Variants in TEX11 observed in about 807,000 individuals in gnomAD.
TEX11 encodes testis expressed 11, also known as testis-expressed protein 11.
In TEX11, 7 loss-of-function variants were observed where a neutral mutation model predicts 84.4. The observed-to-expected ratio is 0.08, with a 90% confidence interval of 0.05 to 0.16. The LOEUF is 0.16. Ranked by LOEUF, TEX11 falls within the 10% of genes least tolerant of loss-of-function variation. The pLI, the probability that TEX11 is intolerant of heterozygous loss-of-function variation, is 1.00. For synonymous variants in TEX11, 264 were observed against 222.8 expected, an observed-to-expected ratio of 1.18 and a Z score of -1.64; for missense variants, 551 against 660.5, an observed-to-expected ratio of 0.83 and a Z score of 1.82.
intron 8 of TEX11, among the ~76,000 whole-genome samples, chrX:70,811,176 T>G (rs1224416442): frequency 1.1e-5 from 1 of 90,029 alleles, no homozygotes; most frequent in African/African-American, 4.1e-5. Flanking sequence ...CCCTCCCCCC[T>G]GCCCCCACCC....
At chrX:70,862,004 A>G (rs902324485) in intron 4 of TEX11, among the ~76,000 whole-genome samples, 2 of 109,676 alleles carry the variant, frequency 1.8e-5, no homozygotes, top group Non-Finnish European at 3.8e-5. Context: ...TTTTTTCTGT[A>G]GAGAGGGGGT....
chrX:70,848,947 G>A (rs143909213), intron 7 of TEX11, among the ~76,000 whole-genome samples: 2,430 of 111,776 alleles, frequency 0.022, 72 homozygotes, highest in South Asian at 0.16. Context: ...ACTGCAGAAA[G>A]AGGCATTGCC....
At chrX:70,891,312 A>T (rs1284602252) in intron 2 of TEX11, among the ~76,000 whole-genome samples, 7 of 111,835 alleles carry the variant, frequency 6.3e-5, no homozygotes. Flanking sequence ...TAAAAACCAG[A>T]GTGCCTCTCC....
intron 9 of TEX11, among the ~76,000 whole-genome samples, chrX:70,759,346 G>A (rs2090892207): frequency 9.0e-6 from 1 of 111,658 alleles, no homozygotes; most frequent in Non-Finnish European, 1.9e-5. Context: ...TAGCCCTGCT[G>A]AACATCGATG....
Position 70,640,171 on chromosome X carries a change from A to G in TEX11, c.1484-10436T>C, listed in dbSNP as rs1374383655. Among the ~76,000 whole-genome samples, 14 of 109,617 alleles carry G rather than the reference A, an allele frequency of 1.3e-4. No individual in the cohort carries two copies. In the East Asian group the frequency reaches 3.7e-3, roughly 29 times the overall value. The stretch of plus-strand genomic sequence containing the variant: ...ATCAACTGGAAGAAAGGGTATCAGC[A>G]ATGGAAGATGAAATGAATGAAATGA... On this transcript the variant is annotated intron_variant, in intron 17 of 29. Coordinates refer to ENST00000374333, the MANE Select transcript of TEX11 (RefSeq NM_031276.3).
intron 11 of TEX11, among the ~76,000 whole-genome samples, chrX:70,727,082 A>G (rs1162351002): frequency 5.4e-5 from 6 of 111,636 alleles, no homozygotes; most frequent in African/African-American, 2.0e-4. Flanking sequence ...AACATACAAG[A>G]TAAGTATTGT....
intron 8 of TEX11, among the ~76,000 whole-genome samples, chrX:70,830,048 C>G (rs923559905): frequency 9.1e-6 from 1 of 110,094 alleles, no homozygotes; most frequent in Non-Finnish European, 1.9e-5. Flanking sequence ...ACTAAACTCT[C>G]CAATCAAAGG....
At chrX:70,823,328 C>T (rs1484390178) in intron 8 of TEX11, among the ~76,000 whole-genome samples, 3 of 110,350 alleles carry the variant, frequency 2.7e-5, no homozygotes, top group Non-Finnish European at 5.7e-5. Context: ...ATCTAATGCA[C>T]AGCATGGTGA....
At chrX:70,523,395 G>A in the TEX11 span, among the ~76,000 whole-genome samples, 1 of 111,632 alleles carries the variant, frequency 9.0e-6, no homozygotes, top group Non-Finnish European at 1.9e-5. Flanking sequence ...TAGTGAGATC[G>A]CTAAACTGGT....
chrX:70,709,799 T>G (rs1395628703), intron 13 of TEX11, among the ~76,000 whole-genome samples: 1 of 111,185 alleles, frequency 9.0e-6, no homozygotes, highest in African/African-American at 3.3e-5. Flanking sequence ...GATGCAAGGC[T>G]TTCTGGTCTT....
At chrX:70,676,057 T>C (rs1024389966) in intron 15 of TEX11, among the ~76,000 whole-genome samples, 3 of 112,151 alleles carry the variant, frequency 2.7e-5, no homozygotes, top group Non-Finnish European at 5.6e-5. Context: ...ATCCATGTTA[T>C]AGCATGTATC....
chrX:70,688,225 C>A (rs188741604), intron 13 of TEX11, among the ~76,000 whole-genome samples: 2 of 111,263 alleles, frequency 1.8e-5, no homozygotes, highest in African/African-American at 6.5e-5. Flanking sequence ...AGAAAAAAAT[C>A]TTGAATGCAC....
intron 2 of TEX11, among the ~76,000 whole-genome samples, chrX:70,906,090 A>T (rs5937020): frequency 3.9e-4 from 5 of 12,935 alleles, no homozygotes; most frequent in Non-Finnish European, 4.9e-4. Context: ...AAAAAAAAAA[A>T]ATATATATAT....
Position 70,664,702 on chromosome X carries a change from T to C in TEX11, c.1380+5675A>G, listed in dbSNP as rs187647002. On this transcript the variant is annotated intron_variant, in intron 16 of 29. Transcript: ENST00000374333. ...TGGCACAGATTAGGCATTTAATATTTGTTGAGTTGGAATCTCAGTCAGGGT... is the reference window on the plus strand; with the variant it reads ...TGGCACAGATTAGGCATTTAATATTCGTTGAGTTGGAATCTCAGTCAGGGT... 2.2e-3 allele frequency among the ~76,000 whole-genome samples: 248 copies of C among 110,595 alleles called. 3 individuals are homozygous for C. The highest frequency in any genetic ancestry group is 0.022 in the Admixed American group (230 of 10,351).
intron 11 of TEX11, 135 bp from the exon 12 acceptor site, chrX:70,725,478 A>G (rs921678135): frequency 5.8e-5 from 22 of 377,675 alleles, no homozygotes; most frequent in Non-Finnish European, 9.4e-5. Flanking sequence ...AGAAGACCAT[A>G]TCATAACATT....
the TEX11 span, among the ~76,000 whole-genome samples, chrX:70,523,417 T>C: frequency 9.0e-6 from 1 of 111,703 alleles, no homozygotes; most frequent in African/African-American, 3.3e-5. Flanking sequence ...TTTGTAACCT[T>C]TGGGGAATCA....
chrX:70,582,738 A>ATTTG (rs1342010443), intron 25 of TEX11, among the ~76,000 whole-genome samples: 1 of 49,824 alleles, frequency 2.0e-5, no homozygotes, highest in South Asian at 1.6e-3. Flanking sequence ...TTATTTATTT[A>ATTTG]TTTATTTATT....
At chrX:70,908,454 C>G (rs1226627934) in intron 1 of TEX11, among the ~76,000 whole-genome samples, 200 bp downstream of exon 1, 1 of 112,251 alleles carries the variant, frequency 8.9e-6, no homozygotes, top group African/African-American at 3.2e-5. Flanking sequence ...CTCCTCAATC[C>G]TCGTCCAAAA....
intron 29 of TEX11, 117 bp from the exon 30 acceptor site, chrX:70,529,304 C>A (rs1296810867): frequency 2.0e-6 from 1 of 511,143 alleles, no homozygotes; most frequent in Non-Finnish European, 3.3e-6. Context: ...TCTGAAGCAT[C>A]TCAGATTTGG....
Sources: allele counts gnomAD v4.1 joint callset (sites outside exome capture counted in the v4.1 genomes callset), GRCh38; gene constraint gnomAD v4.1.1; transcripts MANE v1.5; gene names NCBI Gene and HGNC (gene_info 2026-07-23, HGNC 2026-07-21).